Variants in PLCXD3 observed in about 807,000 individuals in gnomAD.
PLCXD3 encodes phosphatidylinositol specific phospholipase C X domain containing 3, also known as PI-PLC X domain-containing protein 3.
PLCXD3 carries 19 observed loss-of-function variants against 25.5 expected under a neutral mutation model. The ratio of observed to expected loss-of-function variants is 0.75; its 90% CI spans 0.52 to 1.09. The LOEUF (loss-of-function observed/expected upper bound fraction) is 1.09. Ranked by LOEUF, PLCXD3 falls within the 50% of genes least tolerant of loss-of-function variation. The pLI is 0.00. For synonymous variants in PLCXD3, 174 were observed against 137.6 expected, an observed-to-expected ratio of 1.26 and a Z score of -1.85; for missense variants, 411 against 388.1, an observed-to-expected ratio of 1.06 and a Z score of -0.50.
At chr5:41,394,040 A>G (rs1745923234) in intron 1 of PLCXD3, among the ~76,000 whole-genome samples, 1 of 152,204 alleles carries the variant, frequency 6.6e-6, no homozygotes, top group Non-Finnish European at 1.5e-5. Context: ...TCCTAAGTAA[A>G]AAAACTAAAT....
chr5:41,356,197 C>T (rs1313002628), intron 2 of PLCXD3, among the ~76,000 whole-genome samples: 5 of 152,062 alleles, frequency 3.3e-5, no homozygotes, highest in African/African-American at 7.2e-5. Flanking sequence ...ACCCAGGAGG[C>T]GGAGGTTGCA....
chr5:41,384,069 A>G (rs1449399133), intron 1 of PLCXD3, among the ~76,000 whole-genome samples: 1 of 152,130 alleles, frequency 6.6e-6, no homozygotes, highest in Non-Finnish European at 1.5e-5. Context: ...TTTAAAATTT[A>G]GATAAGTTCT....
chr5:41,345,221 G>A (rs956081421), intron 2 of PLCXD3, among the ~76,000 whole-genome samples: 6 of 152,144 alleles, frequency 3.9e-5, no homozygotes, highest in African/African-American at 1.2e-4. Flanking sequence ...GATGTCTTTG[G>A]CTAAATCTAA....
chr5:41,409,425 C>T (rs1458077215), intron 1 of PLCXD3, among the ~76,000 whole-genome samples: 1 of 152,194 alleles, frequency 6.6e-6, no homozygotes, highest in Non-Finnish European at 1.5e-5. Context: ...TACTCTGCCC[C>T]TCATTGTGTG....
intron 1 of PLCXD3, among the ~76,000 whole-genome samples, chr5:41,465,716 G>A (rs1387459250): frequency 6.6e-6 from 1 of 151,992 alleles, no homozygotes; most frequent in Non-Finnish European, 1.5e-5. Context: ...CAGGGAGCAT[G>A]TGTCTGCGGT....
intron 2 of PLCXD3, among the ~76,000 whole-genome samples, chr5:41,318,975 A>C (rs1334411824): frequency 6.6e-6 from 1 of 152,236 alleles, no homozygotes; most frequent in Non-Finnish European, 1.5e-5. Flanking sequence ...TACTTATATC[A>C]GACAAAATAA....
Position 41,379,403 on chromosome 5 carries a change from T to G in PLCXD3, c.812+2423A>C, listed in dbSNP as rs554565615. Among the ~76,000 whole-genome samples, 4 of 152,230 alleles carry G rather than the reference T, an allele frequency of 2.6e-5. No homozygotes were observed. The East Asian group carries it at 5.8e-4, about 22-fold the overall frequency. ...AAGCCCTCTTGTTTTGATGAATAAT[T>G]TGTTGGAACTAGCTGAATTTAGGCT... On this transcript the variant is annotated intron_variant, in intron 2 of 2. Transcript: ENST00000377801.
At chr5:41,509,919 T>G (rs1415465935) in intron 1 of PLCXD3, among the ~76,000 whole-genome samples, 1 of 152,190 alleles carries the variant, frequency 6.6e-6, no homozygotes, top group Non-Finnish European at 1.5e-5. Context: ...GCTTTGTCTT[T>G]TTAAAGGAGA....
At chr5:41,439,139 C>T (rs1037739084) in intron 1 of PLCXD3, among the ~76,000 whole-genome samples, 1 of 152,126 alleles carries the variant, frequency 6.6e-6, no homozygotes, top group African/African-American at 2.4e-5. Context: ...TATCCTGCGC[C>T]TCCTCTGAAC....
Position 41,309,493 on chromosome 5 carries a change from A to C in PLCXD3, c.*4124T>G, listed in dbSNP as rs1197606803. ...TTTCTATTAGCAATTCAAAGTGAGC[A>C]CTCTGCCTACGGAACTCCTGTTTGG... On this transcript the variant is annotated 3_prime_UTR_variant, in exon 3 of 3. Coordinates refer to ENST00000377801, the MANE Select transcript of PLCXD3 (RefSeq NM_001005473.3). 3 of 152,418 alleles carry C rather than the reference A, an allele frequency of 2.0e-5. No individual in the cohort carries two copies. Among genetic ancestry groups the C allele is most frequent in the Admixed American group, 6.6e-5 (1 of 15,262 alleles). The allele number at this position is 152,418 out of a possible 1,614,324, so 9.4% of individuals were successfully genotyped here. A position where few individuals can be genotyped will look rare whatever the true frequency, so the allele number is the denominator to read the frequency against.
rs1158987826 is a variant in PLCXD3 at position 41,309,748 on chromosome 5, T to C, written c.*3869A>G. On this transcript the variant is annotated 3_prime_UTR_variant, in exon 3 of 3. Coordinates refer to ENST00000377801, the MANE Select transcript of PLCXD3 (RefSeq NM_001005473.3). ...TGTTTGTAATTTATATTCTAGTCCA[T>C]TATGGATTCTCTAATTTGAAGTGAA... The C allele has an allele frequency of 1.3e-5, 2 of 152,140 alleles. No individual in the cohort carries two copies. Among genetic ancestry groups the C allele is most frequent in the African/African-American group, 2.4e-5 (1 of 41,440 alleles). The allele number at this position is 152,140 out of a possible 1,614,324, so 9.4% of individuals were successfully genotyped here. A position where few individuals can be genotyped will look rare whatever the true frequency, so the allele number is the denominator to read the frequency against.
chr5:41,464,900 G>A (rs1747976337), intron 1 of PLCXD3, among the ~76,000 whole-genome samples: 1 of 151,700 alleles, frequency 6.6e-6, no homozygotes, highest in South Asian at 2.1e-4. Flanking sequence ...AGCTGTTTCT[G>A]ATCTTCTATT....
intron 1 of PLCXD3, among the ~76,000 whole-genome samples, chr5:41,443,641 T>G (rs1477034428): frequency 6.6e-6 from 1 of 152,206 alleles, no homozygotes; most frequent in Admixed American, 6.5e-5. Flanking sequence ...GGAGAGACTG[T>G]GCTGACCTTT....
At chr5:41,421,573 G>C (rs1173167240) in intron 1 of PLCXD3, among the ~76,000 whole-genome samples, 2 of 151,972 alleles carry the variant, frequency 1.3e-5, no homozygotes, top group South Asian at 4.1e-4. Context: ...CGGTGGCGGG[G>C]GCCTGTAGTC....
chr5:41,373,186 C>T (rs1024541589), intron 2 of PLCXD3, among the ~76,000 whole-genome samples: 1 of 152,144 alleles, frequency 6.6e-6, no homozygotes. Context: ...ATCCATCCAA[C>T]TTCCCCACTT....
chr5:41,409,408 C>T (rs1180441446), intron 1 of PLCXD3, among the ~76,000 whole-genome samples: 1 of 152,170 alleles, frequency 6.6e-6, no homozygotes, highest in East Asian at 1.9e-4. Context: ...AATCCCACTG[C>T]CTGCGATACT....
At chr5:41,356,253 C>T (rs973026899) in intron 2 of PLCXD3, among the ~76,000 whole-genome samples, 42 of 152,114 alleles carry the variant, frequency 2.8e-4, no homozygotes, top group Non-Finnish European at 5.6e-4. Context: ...GAGACAAGAG[C>T]GAAACTCTGT....
chr5:41,492,525 A>G (rs1034004718), intron 1 of PLCXD3, among the ~76,000 whole-genome samples: 19 of 152,244 alleles, frequency 1.2e-4, no homozygotes, highest in African/African-American at 4.6e-4. Flanking sequence ...TATCCTGCAG[A>G]GTGTTTTCCA....
intron 1 of PLCXD3, among the ~76,000 whole-genome samples, chr5:41,459,756 C>T (rs1747833236): frequency 6.6e-6 from 1 of 151,836 alleles, no homozygotes; most frequent in Non-Finnish European, 1.5e-5. Flanking sequence ...CCAACATCTT[C>T]AGTCAACACT....
Sources: gnomAD v4.1 joint callset for allele counts (sites outside exome capture counted in the v4.1 genomes callset) on GRCh38, gnomAD v4.1.1 for gene constraint, MANE v1.5 for transcripts, NCBI Gene and HGNC (gene_info 2026-07-23, HGNC 2026-07-21) for gene names.